The following HEXIM2 variants were observed in gnomAD, a reference collection of about 807,000 sequenced individuals.
The protein encoded by HEXIM2 is protein HEXIM2.
For synonymous variants in HEXIM2, 159 were observed against 162.7 expected (o/e 0.98, Z 0.17); for missense variants, 413 against 390.8 (o/e 1.06, Z -0.48).
chr17:45,169,194 G>A lies in HEXIM2; in HGVS notation c.246G>A (p.Ala82=), dbSNP rs779248569. The A allele has an allele frequency of 1.9e-6, 3 of 1,613,534 alleles. No homozygotes were observed. Among genetic ancestry groups the A allele is most frequent in the Admixed American group, 1.7e-5 (1 of 60,012 alleles). ...PRTQSPGGCS[A]EAVLARKKHR... ...CCCAGAGCCCAGGGGGCTGCTCAGC[G>A]GAGGCTGTGCTGGCCCGGAAGAAAC... The change falls in exon 4 of 4, where the codon GCG becomes GCA. Residue 82 remains alanine (A), a synonymous_variant. Coordinates refer to ENST00000589230, the MANE Select transcript of HEXIM2 (RefSeq NM_001303441.2).
Position 45,162,785 on chromosome 17 carries a change from G to T in HEXIM2, c.-9G>T, listed in dbSNP as rs2144045616. ...TTCCAGGCGTCTGCTGAAAGATTTG[G>T]AACAGAAGATGATGGCCACTCCGAA... On this transcript the variant is annotated 5_prime_UTR_variant, in exon 3 of 4. Transcript: ENST00000589230. 3 of 1,613,938 alleles carry T rather than the reference G, an allele frequency of 1.9e-6. No homozygotes were observed. The highest frequency in any genetic ancestry group is 2.2e-5 in the East Asian group (1 of 44,868).
intron 3 of HEXIM2, among the ~76,000 whole-genome samples, chr17:45,164,154 A>T (rs2042776850): frequency 1.5e-5 from 2 of 136,344 alleles, no homozygotes; most frequent in Non-Finnish European, 3.2e-5. Context: ...AAACTCTCTC[A>T]AAAAAAAAAA....
At chr17:45,165,424 CAT>C (rs1243377809) in intron 3 of HEXIM2, among the ~76,000 whole-genome samples, 1 of 152,200 alleles carries the variant, frequency 6.6e-6, no homozygotes, top group African/African-American at 2.4e-5. Context: ...ACCACGCTCA[CAT>C]GTCTCTGAAC....
upstream of HEXIM2, chr17:45,160,941 G>A: frequency 1.6e-6 from 2 of 1,289,816 alleles, no homozygotes; most frequent in South Asian, 1.2e-5. Context: ...TGGTGTAAGC[G>A]AGGTAAGGTG....
rs1314542695 is a variant in HEXIM2 at position 45,169,323 on chromosome 17, C to T, written c.375C>T (p.Ser125=). 1 of 1,613,838 alleles carries T rather than the reference C, an allele frequency of 6.2e-7. No individual in the cohort carries two copies. Among genetic ancestry groups the T allele is most frequent in the Admixed American group, 1.7e-5 (1 of 60,010 alleles). The change falls in exon 4 of 4, where the codon TCC becomes TCT. Residue 125 remains serine, a synonymous_variant. Transcript: ENST00000589230. ...QRDERQSQRA[S]RVREEMFAKG... is the part of the protein sequence containing the mutation. ...ATGAGAGGCAGAGCCAGAGGGCCTC[C>T]CGGGTCCGCGAAGAGATGTTCGCCA... is the stretch of plus-strand genomic sequence containing the variant.
chr17:45,165,978 G>A (rs1472426316), intron 3 of HEXIM2, among the ~76,000 whole-genome samples: 1 of 151,580 alleles, frequency 6.6e-6, no homozygotes, highest in African/African-American at 2.4e-5. Flanking sequence ...TGTATTTTTA[G>A]TAGAGACGGG....
intron 3 of HEXIM2, among the ~76,000 whole-genome samples, chr17:45,165,268 G>GTACACACCCCACACACA (rs1374038845): frequency 1.3e-5 from 2 of 151,992 alleles, no homozygotes; most frequent in Admixed American, 6.6e-5. Context: ...CTCCACATAC[G>GTACACACCCCACACACA]TACACACCCC....
At chr17:45,162,709 C>T (rs2042732339) in intron 2 of HEXIM2, 41 bp from the exon 3 acceptor site, 3 of 1,603,998 alleles carry the variant, frequency 1.9e-6, no homozygotes, top group Non-Finnish European at 2.6e-6. Flanking sequence ...GTATTCCTGA[C>T]GTTCCTTCAG....
Position 45,161,981 on chromosome 17 carries a change from A to G in HEXIM2, c.-243A>G, listed in dbSNP as rs182248840. 693 of 985,578 alleles carry G rather than the reference A, an allele frequency of 7.0e-4. 1 individual carries two copies. The highest frequency in any genetic ancestry group is 9.4e-4 in the South Asian group (20 of 21,300). 61.1% of individuals were successfully genotyped at this position (985,578 alleles called of 1,614,324 possible). ...GGGAATTGCACCGACAGGCAGTCGC[A>G]CAGAAAGGCACACAGATGTAGTGGT... is the stretch of plus-strand genomic sequence containing the variant. On this transcript the variant is annotated 5_prime_UTR_variant, in exon 1 of 4. Transcript: ENST00000589230.
At chr17:45,165,161 G>A (rs1306162615) in intron 3 of HEXIM2, among the ~76,000 whole-genome samples, 1 of 152,162 alleles carries the variant, frequency 6.6e-6, no homozygotes, top group Non-Finnish European at 1.5e-5. Context: ...TCCCAGCTGG[G>A]GCAACAGCTC....
In HEXIM2 at chr17:45,161,919, C is replaced by T. The variant is rs2042707699; in HGVS notation, c.-305C>T. On this transcript the variant is annotated 5_prime_UTR_variant, in exon 1 of 4. Transcript: ENST00000589230. ...AGTGGCCTGAGCGGCTTGACCAGAG[C>T]TGCTGCAACTGCAGCAAGAGGTAGG... is the stretch of plus-strand genomic sequence containing the variant. The T allele has an allele frequency of 2.0e-6, 2 of 985,384 alleles. No homozygotes were observed. The highest frequency in any genetic ancestry group is 2.4e-6 in the Non-Finnish European group (2 of 829,972). The allele number at this position is 985,384 out of a possible 1,614,324, so 61.0% of individuals were successfully genotyped here.
Position 45,161,976 on chromosome 17 carries a change from G to A in HEXIM2, c.-248G>A, listed in dbSNP as rs1281058775. ...GCGTTGGGAATTGCACCGACAGGCA[G>A]TCGCACAGAAAGGCACACAGATGTA... On this transcript the variant is annotated 5_prime_UTR_variant, in exon 1 of 4. Coordinates refer to ENST00000589230, the MANE Select transcript of HEXIM2 (RefSeq NM_001303441.2). The A allele has an allele frequency of 1.3e-5, 13 of 985,504 alleles. No individual in the cohort carries two copies. The highest frequency in any genetic ancestry group is 1.6e-5 in the Non-Finnish European group (13 of 830,056). The allele number at this position is 985,504 out of a possible 1,614,324, so 61.0% of individuals were successfully genotyped here.
chr17:45,169,897 A>C lies in HEXIM2; in HGVS notation c.*88A>C. Reference sequence around the variant, plus strand: ...TGGGTCTCAAGGAGGCAGGTGGCAGATGAAAACCACCGTCAACACCCTGTG... The same window carrying C: ...TGGGTCTCAAGGAGGCAGGTGGCAGCTGAAAACCACCGTCAACACCCTGTG... On this transcript the variant is annotated 3_prime_UTR_variant, in exon 4 of 4. Transcript: ENST00000589230. The C allele has an allele frequency of 8.5e-7, 1 of 1,183,364 alleles. No homozygotes were observed. Among genetic ancestry groups the C allele is most frequent in the Non-Finnish European group, 1.1e-6 (1 of 885,946 alleles). 73.3% of individuals were successfully genotyped at this position (1,183,364 alleles called of 1,614,324 possible).
chr17:45,162,912 C>T (rs887594631), intron 3 of HEXIM2, 53 bp downstream of exon 3: 2 of 1,201,996 alleles, frequency 1.7e-6, no homozygotes, highest in East Asian at 4.7e-5. Flanking sequence ...GGTCCCACAG[C>T]TGAGATCCAA....
chr17:45,165,918 C>T (rs1281960315), intron 3 of HEXIM2, among the ~76,000 whole-genome samples: 1 of 152,086 alleles, frequency 6.6e-6, no homozygotes, highest in Non-Finnish European at 1.5e-5. Flanking sequence ...CCTCAGCCTC[C>T]CAAGTAGCTG....
In HEXIM2 at chr17:45,169,555, G is replaced by C; in HGVS notation, c.607G>C (p.Glu203Gln). 2 of 1,563,966 alleles carry C rather than the reference G, an allele frequency of 1.3e-6. No homozygotes were observed. Among genetic ancestry groups the C allele is most frequent in the East Asian group, 2.4e-5 (1 of 41,812 alleles). Residue 203 changes from glutamate to glutamine, a missense_variant, in exon 4 of 4, where the codon GAG (glutamate) becomes CAG (glutamine). Transcript: ENST00000589230. ...TGAGACTTACGAACGCTTCCACACC[G>C]AGAGCCTGCAGGGCCGCAGCAAGCA... Reference protein sequence around the residue: ...FSETYERFHTESLQGRSKQEL... With the variant: ...FSETYERFHTQSLQGRSKQEL...
At chr17:45,161,751 CT>C (rs145078145), upstream of HEXIM2, 2,060 of 826,438 alleles carry the variant, frequency 2.5e-3, 35 homozygotes, top group African/African-American at 0.032. Context: ...CGCGCGCGGT[CT>C]GCCCCCGCGC....
chr17:45,160,938 A>T, upstream of HEXIM2: 1 of 1,289,680 alleles, frequency 7.8e-7, no homozygotes, highest in Non-Finnish European at 1.0e-6. Context: ...CTTTGGTGTA[A>T]GCGAGGTAAG....
intron 1 of HEXIM2, among the ~76,000 whole-genome samples, 162 bp from the exon 2 acceptor site, chr17:45,162,326 G>T (rs2144042609): frequency 6.6e-6 from 1 of 152,286 alleles, no homozygotes; most frequent in African/African-American, 2.4e-5. Context: ...TGGAGACAGT[G>T]GGGAAGGACT....
Sources: gnomAD v4.1 joint callset for allele counts (sites outside exome capture counted in the v4.1 genomes callset) on GRCh38, gnomAD v4.1.1 for gene constraint, MANE v1.5 for transcripts, NCBI Gene and HGNC (gene_info 2026-07-23, HGNC 2026-07-21) for gene names.